The following CAMK2A variants were observed in gnomAD, a reference collection of about 807,000 sequenced individuals.
The protein encoded by CAMK2A is calcium/calmodulin-dependent protein kinase type II subunit alpha.
Under a neutral mutation model 79.2 loss-of-function variants are expected in CAMK2A, and 7 were observed. That is an observed-to-expected ratio of 0.09 (90% CI 0.05 to 0.17). The LOEUF is 0.17. Among genes scored for constraint, CAMK2A ranks in the 10% least tolerant of loss-of-function variants. The pLI is 1.00. For missense variants in CAMK2A, 214 were observed against 646.4 expected (o/e 0.33, Z 7.25); for synonymous variants, 242 against 251.7 (o/e 0.96, Z 0.36).
chr5:150,289,720 C>T lies in CAMK2A; in HGVS notation c.-95G>A. On this transcript the variant is annotated 5_prime_UTR_variant, in exon 1 of 19. Coordinates refer to ENST00000671881, the MANE Select transcript of CAMK2A (RefSeq NM_015981.4). ...CGAACCTAGGGACCACTTGCCTGCC[C>T]GTGCTGCCGAGTGCAAACAGAGAAC... 4 of 979,962 alleles carry T rather than the reference C, an allele frequency of 4.1e-6. No homozygotes were observed. Among genetic ancestry groups the T allele is most frequent in the South Asian group, 2.9e-5 (2 of 68,958 alleles). 60.7% of individuals were successfully genotyped at this position (979,962 alleles called of 1,614,324 possible).
chr5:150,235,616 A>C (rs547276163), intron 15 of CAMK2A, among the ~76,000 whole-genome samples: 2 of 152,276 alleles, frequency 1.3e-5, no homozygotes, highest in Admixed American at 1.3e-4. Flanking sequence ...ATCAGGAGGG[A>C]TGGGGGAGTG....
chr5:150,276,530 C>A (rs74632993), intron 1 of CAMK2A, among the ~76,000 whole-genome samples: 4,120 of 152,274 alleles, frequency 0.027, 170 homozygotes, highest in African/African-American at 0.093. Flanking sequence ...AAGGTGCCCA[C>A]CCTACCCAGG....
chr5:150,228,193 G>T lies in CAMK2A; in HGVS notation c.1236C>A (p.Asn412Lys). The change falls in exon 17 of 19, where the codon AAC (asparagine) becomes AAA (lysine). Residue 412 changes from asparagine to lysine, a missense_variant and splice_region_variant. This residue lies in a region of CAMK2A where 123 missense variants were observed against 242.4 expected (regional missense o/e 0.51). Coordinates refer to ENST00000671881, the MANE Select transcript of CAMK2A (RefSeq NM_015981.4). Reference sequence around the variant, plus strand: ...CCACAGAGAGAAGGAATTGCTCACGGTTTTCAAAATAGAATCGATGGAAGT... The same window carrying T: ...CCACAGAGAGAAGGAATTGCTCACGTTTTTCAAAATAGAATCGATGGAAGT... ...GLDFHRFYFE[N>K]LWSRNSKPVH... 6.2e-7 allele frequency: 1 copy of T among 1,612,238 alleles called. No individual in the cohort carries two copies. Among genetic ancestry groups the T allele is most frequent in the South Asian group, 1.1e-5 (1 of 90,996 alleles).
intron 1 of CAMK2A, among the ~76,000 whole-genome samples, chr5:150,277,688 G>T (rs1006755992): frequency 6.6e-6 from 1 of 152,220 alleles, no homozygotes; most frequent in Admixed American, 6.5e-5. Flanking sequence ...AGGCAGGTAA[G>T]GGTGCATGGC....
intron 14 of CAMK2A, among the ~76,000 whole-genome samples, chr5:150,239,347 C>A (rs1165443458): frequency 6.6e-6 from 1 of 152,124 alleles, no homozygotes; most frequent in East Asian, 1.9e-4. Context: ...CCAAGCCCCA[C>A]CCTCGCCGCG....
chr5:150,264,890 C>G (rs540863246), intron 3 of CAMK2A, 66 bp downstream of exon 3: 1 of 1,276,144 alleles, frequency 7.8e-7, no homozygotes, highest in Non-Finnish European at 1.1e-6. Context: ...CAAACACCCA[C>G]GTGCCAGGGT....
intron 2 of CAMK2A, among the ~76,000 whole-genome samples, chr5:150,267,858 C>T (rs1180901414): frequency 6.6e-6 from 1 of 151,540 alleles, no homozygotes; most frequent in Non-Finnish European, 1.5e-5. Flanking sequence ...CCCCACTCCT[C>T]CCCTCAGCCA....
In CAMK2A at chr5:150,256,666, G is replaced by GT. The variant is rs1328168605; in HGVS notation, c.339-22_339-21insA. 1 of 1,612,052 alleles carries GT rather than the reference G, an allele frequency of 6.2e-7. No homozygotes were observed. The highest frequency in any genetic ancestry group is 1.3e-5 in the African/African-American group (1 of 74,876). ...AGTGACTAGGGAGAGAGAGAGGAAG[G>GT]GGTCATGGTGGTGTGAGCACAGGCC... On this transcript the variant is annotated intron_variant, in intron 5 of 18. Coordinates refer to ENST00000671881, the MANE Select transcript of CAMK2A (RefSeq NM_015981.4). This position sits in a 1 kb window ranked among gnomAD's most constrained non-coding sequence, Gnocchi z 4.6.
intron 16 of CAMK2A, among the ~76,000 whole-genome samples, chr5:150,228,863 G>A (rs1754720228): frequency 6.6e-6 from 1 of 152,216 alleles, no homozygotes; most frequent in African/African-American, 2.4e-5. Flanking sequence ...TCTGTAAGAT[G>A]AGAAAAATAG....
rs17712679 is a variant in CAMK2A at position 150,222,800 on chromosome 5, T to A, written c.1467-87A>T. On this transcript the variant is annotated intron_variant, in intron 18 of 18. Coordinates refer to ENST00000671881, the MANE Select transcript of CAMK2A (RefSeq NM_015981.4). Reference sequence around the variant, plus strand: ...ACCCTGCCGCTTTAGATGGAGTCCATGCGGTCCCTGGTGGCTCCTGCCCAG... The same window carrying A: ...ACCCTGCCGCTTTAGATGGAGTCCAAGCGGTCCCTGGTGGCTCCTGCCCAG... 533,807 of 1,542,084 alleles carry A rather than the reference T, an allele frequency of 0.35. 93,919 individuals carry two copies. The highest frequency in any genetic ancestry group is 0.44 in the Admixed American group (26,261 of 59,242).
At chr5:150,242,354 T>TGATA (rs1755385192) in intron 13 of CAMK2A, among the ~76,000 whole-genome samples, 1 of 152,166 alleles carries the variant, frequency 6.6e-6, no homozygotes, top group Non-Finnish European at 1.5e-5. Flanking sequence ...TTAGCAAGGA[T>TGATA]GATAGAAACA....
intron 17 of CAMK2A, among the ~76,000 whole-genome samples, chr5:150,225,189 C>T (rs1754543431): frequency 1.3e-5 from 2 of 151,918 alleles, no homozygotes; most frequent in South Asian, 4.2e-4. Flanking sequence ...ACAAACAGAG[C>T]TTAGCATTGC....
In CAMK2A at chr5:150,222,474, C is replaced by T; in HGVS notation, c.*236G>A. ...TGGACACCCATGCCTGAGGAAGCCC[C>T]AGCCTGGCAGGGGAGAGGGTGGGGG... On this transcript the variant is annotated 3_prime_UTR_variant, in exon 19 of 19. Transcript: ENST00000671881. 1 of 703,228 alleles carries T rather than the reference C, an allele frequency of 1.4e-6. No individual in the cohort carries two copies. Among genetic ancestry groups the T allele is most frequent in the South Asian group, 1.5e-5 (1 of 67,468 alleles). The allele number at this position is 703,228 out of a possible 1,614,324, so 43.6% of individuals were successfully genotyped here. A position where few individuals can be genotyped will look rare whatever the true frequency, so the allele number is the denominator to read the frequency against.
intron 12 of CAMK2A, among the ~76,000 whole-genome samples, chr5:150,247,417 G>A (rs1755618771): frequency 1.3e-5 from 2 of 152,214 alleles, no homozygotes; most frequent in Admixed American, 6.5e-5. Flanking sequence ...CAATCATGGT[G>A]GGCAATATTG....
In CAMK2A at chr5:150,250,566, G is replaced by A. The variant is rs1228408238; in HGVS notation, c.816+122C>T. The A allele has an allele frequency of 4.5e-6, 6 of 1,341,770 alleles. No homozygotes were observed. The East Asian group carries it at 1.4e-4, about 31-fold the overall frequency. 83.1% of individuals were successfully genotyped at this position (1,341,770 alleles called of 1,614,324 possible). On this transcript the variant is annotated intron_variant, in intron 10 of 18. Transcript: ENST00000671881. ...ATTACCCCTGAGAACCACAGCAGGG[G>A]CAGTCTCTTGGATTAAGCCCTCTTG...
chr5:150,245,029 C>T, intron 13 of CAMK2A, 132 bp downstream of exon 13: 1 of 865,788 alleles, frequency 1.2e-6, no homozygotes, highest in Non-Finnish European at 1.8e-6. Flanking sequence ...GACAGCCTGG[C>T]CACAAATGTG....
rs1053920600 is a variant in CAMK2A at position 150,284,427 on chromosome 5, G to A, written c.62+5137C>T. ...AGGCTCTGCCCTCACCCCACAGAGA[G>A]GGCCATGGCCCAGACTGCAGGGCAT... is the stretch of plus-strand genomic sequence containing the variant. On this transcript the variant is annotated intron_variant, in intron 1 of 18. Coordinates refer to ENST00000671881, the MANE Select transcript of CAMK2A (RefSeq NM_015981.4). This position sits in a 1 kb window ranked among gnomAD's most constrained non-coding sequence, Gnocchi z 5.3. Among the ~76,000 whole-genome samples the A allele has an allele frequency of 1.3e-5, 2 of 152,108 alleles. No homozygotes were observed. The highest frequency in any genetic ancestry group is 2.4e-5 in the African/African-American group (1 of 41,404).
intron 17 of CAMK2A, among the ~76,000 whole-genome samples, chr5:150,226,787 T>G: frequency 6.7e-6 from 1 of 149,416 alleles, no homozygotes; most frequent in East Asian, 2.0e-4. Context: ...TTTACTAATT[T>G]CTATAGGTTT....
At chr5:150,250,096 C>T in intron 11 of CAMK2A, 130 bp downstream of exon 11, 1 of 684,774 alleles carries the variant, frequency 1.5e-6, no homozygotes, top group Non-Finnish European at 2.6e-6. Flanking sequence ...GTCCAGTATG[C>T]AGTAGGTGTT....
Sources: allele counts gnomAD v4.1 joint callset (sites outside exome capture counted in the v4.1 genomes callset), GRCh38; gene constraint gnomAD v4.1.1; regional missense constraint gnomAD v4.1.1; non-coding constraint Gnocchi (gnomAD v3.1); transcripts MANE v1.5; gene names NCBI Gene and HGNC (gene_info 2026-07-23, HGNC 2026-07-21).